SCHIP1: variants seen among roughly 807,000 people sequenced by gnomAD.
SCHIP1 encodes the protein schwannomin interacting protein 1, also known as schwannomin-interacting protein 1.
SCHIP1 carries 8 observed loss-of-function variants against 29.7 expected under a neutral mutation model. The observed-to-expected ratio is 0.27, with a 90% CI of 0.16 to 0.49. The LOEUF is 0.49. Ranked by LOEUF, SCHIP1 falls within the 20% of genes least tolerant of loss-of-function variation. SCHIP1 has a pLI of 0.99. For missense variants in SCHIP1, 193 were observed against 294.6 expected (o/e 0.66, Z 2.52); for synonymous variants, 76 against 94.9 (o/e 0.80, Z 1.16).
At chr3:159,676,543 A>G in the SCHIP1 span, among the ~76,000 whole-genome samples, 1 of 152,208 alleles carries the variant, frequency 6.6e-6, no homozygotes, top group African/African-American at 2.4e-5. Flanking sequence ...CTTAAACAAC[A>G]CAAAGAATAT....
At chr3:159,279,528 G>A in the SCHIP1 span, among the ~76,000 whole-genome samples, 1 of 152,076 alleles carries the variant, frequency 6.6e-6, no homozygotes, top group Non-Finnish European at 1.5e-5. Flanking sequence ...AGATTTTAGA[G>A]CACTTAGTAC....
chr3:159,387,862 C>CT, the SCHIP1 span, among the ~76,000 whole-genome samples: 3 of 152,060 alleles, frequency 2.0e-5, no homozygotes, highest in African/African-American at 4.8e-5. Flanking sequence ...AGTGCTTACT[C>CT]TAAGTAATAT....
At chr3:159,690,246 G>A in the SCHIP1 span, among the ~76,000 whole-genome samples, 4 of 152,112 alleles carry the variant, frequency 2.6e-5, no homozygotes, top group East Asian at 1.9e-4. Flanking sequence ...TGGTTGGTAC[G>A]CTATTAATTA....
the SCHIP1 span, among the ~76,000 whole-genome samples, chr3:159,330,790 T>A: frequency 1.3e-5 from 2 of 152,190 alleles, no homozygotes; most frequent in Non-Finnish European, 2.9e-5. Flanking sequence ...CTGCCACAGA[T>A]CACTGTTTGA....
the SCHIP1 span, among the ~76,000 whole-genome samples, chr3:159,353,721 G>T: frequency 2.0e-4 from 31 of 152,022 alleles, no homozygotes; most frequent in Admixed American, 2.0e-3. Flanking sequence ...CTTAAGTACA[G>T]GTATTTTAAA....
chr3:159,849,586 G>A (rs562627334), intron 1 of SCHIP1, among the ~76,000 whole-genome samples: 1 of 152,282 alleles, frequency 6.6e-6, no homozygotes, highest in South Asian at 2.1e-4. Context: ...CTGTGAAAGA[G>A]CCATTTGTAT....
At chr3:159,278,958 T>C in the SCHIP1 span, among the ~76,000 whole-genome samples, 2 of 152,160 alleles carry the variant, frequency 1.3e-5, no homozygotes, top group African/African-American at 4.8e-5. Flanking sequence ...AAGACCACCT[T>C]ACAGTTGTCT....
chr3:159,732,668 G>T, the SCHIP1 span, among the ~76,000 whole-genome samples: 1 of 152,216 alleles, frequency 6.6e-6, no homozygotes, highest in African/African-American at 2.4e-5. Context: ...CCAGGGCAGG[G>T]CAGGGCAGGG....
chr3:159,418,554 T>C, the SCHIP1 span, among the ~76,000 whole-genome samples: 3 of 152,368 alleles, frequency 2.0e-5, no homozygotes, highest in South Asian at 4.1e-4. Flanking sequence ...TATTAACTTC[T>C]AAATTTTACT....
chr3:159,472,235 T>A, the SCHIP1 span, among the ~76,000 whole-genome samples: 1 of 152,188 alleles, frequency 6.6e-6, no homozygotes, highest in African/African-American at 2.4e-5. Context: ...ACTGTGTTTT[T>A]AAAGAGTTGT....
chr3:159,593,720 A>T, the SCHIP1 span, among the ~76,000 whole-genome samples: 1 of 152,218 alleles, frequency 6.6e-6, no homozygotes, highest in Non-Finnish European at 1.5e-5. Context: ...AAGAAGAAGA[A>T]GAAGAAGGGG....
chr3:159,384,346 T>G, the SCHIP1 span, among the ~76,000 whole-genome samples: 1 of 152,096 alleles, frequency 6.6e-6, no homozygotes. Context: ...CAAAGGCCTT[T>G]TCTGCATCTA....
chr3:159,528,481 GC>G, the SCHIP1 span, among the ~76,000 whole-genome samples: 1 of 152,118 alleles, frequency 6.6e-6, no homozygotes, highest in African/African-American at 2.4e-5. Flanking sequence ...GCTGGCAGTG[GC>G]GACTCTACTT....
the SCHIP1 span, among the ~76,000 whole-genome samples, chr3:159,750,290 T>TATATATATATAC: frequency 7.8e-6 from 1 of 128,798 alleles, no homozygotes; most frequent in African/African-American, 3.0e-5. Context: ...TATATATATA[T>TATATATATATAC]ATATATACAC....
chr3:159,579,396 C>G, the SCHIP1 span, among the ~76,000 whole-genome samples: 1 of 152,170 alleles, frequency 6.6e-6, no homozygotes, highest in Non-Finnish European at 1.5e-5. Flanking sequence ...GCCTAAAAGA[C>G]AGTGTAACTT....
the SCHIP1 span, among the ~76,000 whole-genome samples, chr3:159,729,004 C>G: frequency 3.9e-5 from 6 of 152,140 alleles, no homozygotes; most frequent in East Asian, 1.9e-4. Flanking sequence ...ATAAAATCAT[C>G]TGGGCATGGT....
chr3:159,521,287 T>C, the SCHIP1 span, among the ~76,000 whole-genome samples: 1 of 152,224 alleles, frequency 6.6e-6, no homozygotes, highest in Non-Finnish European at 1.5e-5. Flanking sequence ...GTAAGCCAGT[T>C]GTAGAAATTC....
At chr3:159,752,616 G>A in the SCHIP1 span, among the ~76,000 whole-genome samples, 1 of 152,106 alleles carries the variant, frequency 6.6e-6, no homozygotes, top group African/African-American at 2.4e-5. Context: ...GTGGAAGCAG[G>A]AGCAAGAGGG....
chr3:159,652,486 A>G, the SCHIP1 span, among the ~76,000 whole-genome samples: 10 of 152,128 alleles, frequency 6.6e-5, no homozygotes, highest in Non-Finnish European at 1.2e-4. Flanking sequence ...TTGGGTACCT[A>G]CTCTGCCAGG....
Sources: allele counts gnomAD v4.1 joint callset (sites outside exome capture counted in the v4.1 genomes callset), GRCh38; gene constraint gnomAD v4.1.1; transcripts MANE v1.5; gene names NCBI Gene and HGNC (gene_info 2026-07-23, HGNC 2026-07-21).